TYW5: variants seen among roughly 807,000 people sequenced by gnomAD.
TYW5 encodes tRNA wybutosine-synthesizing protein 5.
TYW5 carries 36 observed loss-of-function variants against 44.4 expected under a neutral mutation model. The ratio of observed to expected loss-of-function variants is 0.81; its 90% CI spans 0.62 to 1.07. TYW5 has a LOEUF of 1.07. Ranked by LOEUF, TYW5 falls within the 50% of genes least tolerant of loss-of-function variation. The pLI, the probability that TYW5 is intolerant of heterozygous loss-of-function variation, is 0.00. For synonymous variants in TYW5, 121 were observed against 128.1 expected (o/e 0.94, Z 0.37); for missense variants, 354 against 365.7 (o/e 0.97, Z 0.26).
At chr2:199,950,938 T>G (rs1250843346) in intron 1 of TYW5, among the ~76,000 whole-genome samples, 1 of 152,232 alleles carries the variant, frequency 6.6e-6, no homozygotes, top group Non-Finnish European at 1.5e-5. Context: ...TAGGAGGAGC[T>G]CCTTACAATT....
At position 199,936,444 on chromosome 2, in the gene TYW5, G is replaced by C. The variant is rs2077421546; in HGVS notation, c.535C>G (p.Leu179Val). ...TACTGGGCATCTCGAGGACTGAAGA[G>C]TACAACACGCTTTTTTCCTGTCACT... ...IQVTGKKRVV[L>V]FSPRDAQYLY... is the part of the protein sequence containing the mutation. The change falls in exon 6 of 8, where the codon CTC (leucine) becomes GTC (valine). Residue 179 changes from leucine (L) to valine (V), a missense_variant. By Grantham distance (32) the Leu-to-Val change is conservative (BLOSUM62 1). Coordinates refer to ENST00000354611, the MANE Select transcript of TYW5 (RefSeq NM_001039693.3). 2 of 1,613,240 alleles carry C rather than the reference G, an allele frequency of 1.2e-6. No homozygotes were observed. Among genetic ancestry groups the C allele is most frequent in the African/African-American group, 2.7e-5 (2 of 74,896 alleles).
intron 5 of TYW5, 113 bp from the exon 6 acceptor site, chr2:199,936,605 C>T: frequency 2.5e-6 from 2 of 785,764 alleles, no homozygotes; most frequent in Middle Eastern, 4.8e-4. Flanking sequence ...ACTTGACTTA[C>T]TTAAGACTCT....
intron 3 of TYW5, chr2:199,943,340 G>A (rs2077480003): frequency 6.4e-6 from 1 of 156,524 alleles, no homozygotes; most frequent in African/African-American, 2.4e-5. Flanking sequence ...TACAGAAACA[G>A]TCTAATAGTC....
Position 199,935,755 on chromosome 2 carries a change from CACACACACACAT to C in TYW5, c.691+164_691+175del, listed in dbSNP as rs1337200805. On this transcript the variant is annotated intron_variant, in intron 7 of 7. Transcript: ENST00000354611. ...ACACACACACACACACACACACACA[CACACACACACAT>C]ACACACACACGCACACACAGAGTTT... Among the ~76,000 whole-genome samples the C allele has an allele frequency of 4.7e-3, 408 of 85,912 alleles. 5 individuals are homozygous for C. The highest frequency in any genetic ancestry group is 0.013 in the Admixed American group (103 of 7,824). 56.4% of individuals were successfully genotyped at this position (85,912 alleles called of 152,430 possible).
rs560341569 is a variant in TYW5, at chr2:199,930,834, A to C, written c.*2233T>G. 31 of 152,314 alleles carry C rather than the reference A, an allele frequency of 2.0e-4. No homozygotes were observed. The East Asian group carries it at 5.6e-3, about 27-fold the overall frequency. The allele number at this position is 152,314 out of a possible 1,614,324, so 9.4% of individuals were successfully genotyped here. On this transcript the variant is annotated 3_prime_UTR_variant, in exon 8 of 8. Coordinates refer to ENST00000354611, the MANE Select transcript of TYW5 (RefSeq NM_001039693.3). ...ATCACCCATAGCTATGTGAACCCAG[A>C]CAATCATTAAGCAATCTGGGTTGGT...
intron 2 of TYW5, chr2:199,944,456 G>C (rs1443592477): frequency 6.6e-6 from 1 of 152,332 alleles, no homozygotes; most frequent in Non-Finnish European, 1.5e-5. Context: ...CCAAATGCCT[G>C]TCTCCTTCCA....
intron 1 of TYW5, among the ~76,000 whole-genome samples, chr2:199,953,471 A>G (rs921682134): frequency 6.6e-6 from 1 of 152,238 alleles, no homozygotes; most frequent in South Asian, 2.1e-4. Flanking sequence ...CCTTTGGTCA[A>G]TTGTGCTGTG....
chr2:199,932,820 T>C lies in TYW5; in HGVS notation c.*247A>G. 2.1e-6 allele frequency: 1 copy of C among 473,012 alleles called. No individual in the cohort carries two copies. The highest frequency in any genetic ancestry group is 3.7e-6 in the Non-Finnish European group (1 of 269,294). The allele number at this position is 473,012 out of a possible 1,614,324, so 29.3% of individuals were successfully genotyped here. The stretch of plus-strand genomic sequence containing the variant: ...AGATTTCATGTATTGTGAATCAATA[T>C]ATTTTCTTACTGTTTTTAAGTCATT... On this transcript the variant is annotated 3_prime_UTR_variant, in exon 8 of 8. Coordinates refer to ENST00000354611, the MANE Select transcript of TYW5 (RefSeq NM_001039693.3).
chr2:199,953,352 C>T (rs1443839597), intron 1 of TYW5, among the ~76,000 whole-genome samples: 2 of 151,944 alleles, frequency 1.3e-5, no homozygotes, highest in African/African-American at 4.8e-5. Context: ...AATGATGTGC[C>T]AATGTAGGTT....
chr2:199,941,085 G>T (rs1206869838), intron 3 of TYW5, among the ~76,000 whole-genome samples: 1 of 152,018 alleles, frequency 6.6e-6, no homozygotes. Flanking sequence ...TTTGAGACAG[G>T]GACTCATTCT....
At chr2:199,942,982 G>C (rs2077476735) in intron 3 of TYW5, 1 of 151,624 alleles carries the variant, frequency 6.6e-6, no homozygotes, top group Admixed American at 6.6e-5. Flanking sequence ...TCAGCCTCCT[G>C]AGTAGCTGGG....
chr2:199,944,099 T>G (rs2077486572), intron 2 of TYW5: 1 of 295,814 alleles, frequency 3.4e-6, no homozygotes, highest in East Asian at 6.1e-5. Context: ...AGATCAATAT[T>G]CTATTCCAAG....
intron 1 of TYW5, 93 bp downstream of exon 1, chr2:199,955,300 C>T: frequency 7.0e-7 from 1 of 1,435,068 alleles, no homozygotes; most frequent in Non-Finnish European, 9.5e-7. Context: ...TTCCCACACC[C>T]TGGGTCTCTA....
At chr2:199,943,183 T>G (rs972303631) in intron 3 of TYW5, 1 of 152,344 alleles carries the variant, frequency 6.6e-6, no homozygotes, top group South Asian at 2.1e-4. Context: ...AAAACATATT[T>G]ATATACAAGG....
In TYW5 at chr2:199,939,013, C is replaced by G. The variant is rs777169184; in HGVS notation, c.406G>C (p.Glu136Gln). The G allele has an allele frequency of 6.2e-7, 1 of 1,613,606 alleles. No individual in the cohort carries two copies. The highest frequency in any genetic ancestry group is 1.7e-5 in the Admixed American group (1 of 59,936). ...AAGAACTGTTCCTCTTTGAAGAATT[C>G]TGGAAACTTAATATCTCCTTTCAAC... ...PLLKGDIKFP[E>Q]FFKEEQFFSS... The change falls in exon 5 of 8, where the codon GAA becomes CAA. Residue 136 changes from glutamate to glutamine, a missense_variant. By Grantham distance (29) the Glu-to-Gln change is conservative. Coordinates refer to ENST00000354611, the MANE Select transcript of TYW5 (RefSeq NM_001039693.3).
intron 1 of TYW5, among the ~76,000 whole-genome samples, chr2:199,952,093 C>T (rs964670859): frequency 6.6e-5 from 10 of 151,744 alleles, no homozygotes; most frequent in Non-Finnish European, 1.5e-4. Context: ...TTCTTTTTTA[C>T]ATCTTAGTAT....
In TYW5 at chr2:199,953,441, G is replaced by A. The variant is rs1317991264; in HGVS notation, c.78+1952C>T. Among the ~76,000 whole-genome samples, 8 of 152,328 alleles carry A rather than the reference G, an allele frequency of 5.3e-5. No individual in the cohort carries two copies. The East Asian group carries it at 9.6e-4, about 18-fold the overall frequency. On this transcript the variant is annotated intron_variant, in intron 1 of 7. Transcript: ENST00000354611. ...GGCTATCCATGTGTCAGGGCAGAAA[G>A]GACATGAGAAATCTCTGTACCTTTG...
chr2:199,954,131 C>T (rs997015415), intron 1 of TYW5, among the ~76,000 whole-genome samples: 3 of 150,830 alleles, frequency 2.0e-5, no homozygotes, highest in Non-Finnish European at 2.9e-5. Flanking sequence ...AAGCTAGGGT[C>T]TCACCCTCTC....
At chr2:199,945,741 G>C (rs1408851798) in intron 2 of TYW5, 1 of 152,168 alleles carries the variant, frequency 6.6e-6, no homozygotes, top group African/African-American at 2.4e-5. Context: ...TAGAAAAACA[G>C]AACAGAACAG....
Sources: allele counts gnomAD v4.1 joint callset (sites outside exome capture counted in the v4.1 genomes callset), GRCh38; gene constraint gnomAD v4.1.1; transcripts MANE v1.5; gene names NCBI Gene and HGNC (gene_info 2026-07-23, HGNC 2026-07-21).